The following FBXL17 variants were observed in gnomAD, a reference collection of about 807,000 sequenced individuals.
The protein encoded by FBXL17 is F-box and leucine rich repeat protein 17, also known as F-box/LRR-repeat protein 17.
FBXL17 carries 22 observed loss-of-function variants against 66.2 expected under a neutral mutation model. The ratio of observed to expected loss-of-function variants is 0.33; its 90% CI spans 0.24 to 0.47. The LOEUF (loss-of-function observed/expected upper bound fraction) is 0.47. FBXL17 is among the 20% of genes least tolerant of loss of function. The probability of loss-of-function intolerance (pLI) is 1.00; values close to 1 mark genes in which losing one functional copy is unlikely to be tolerated. For synonymous variants in FBXL17, 474 were observed against 400.5 expected, an observed-to-expected ratio of 1.18 and a Z score of -2.19; for missense variants, 878 against 948.2, an observed-to-expected ratio of 0.93 and a Z score of 0.97.
chr5:108,260,378 C>A (rs1756762790), intron 4 of FBXL17, among the ~76,000 whole-genome samples: 1 of 152,104 alleles, frequency 6.6e-6, no homozygotes, highest in African/African-American at 2.4e-5. Context: ...CTTCCCAATT[C>A]ACATTACCAC....
chr5:108,159,850 TAAATACTACATGAAGATATA>T (rs2150005438), intron 6 of FBXL17, among the ~76,000 whole-genome samples: 1 of 152,266 alleles, frequency 6.6e-6, no homozygotes, highest in East Asian at 1.9e-4. Context: ...CAAAATCCCC[TAAATACTACATGAAGATATA>T]AAAGCAGAAA....
intron 7 of FBXL17, among the ~76,000 whole-genome samples, chr5:107,938,264 A>G (rs185374734): frequency 1.6e-3 from 248 of 152,126 alleles, no homozygotes; most frequent in Non-Finnish European, 2.9e-3. Flanking sequence ...GTTCAAAATG[A>G]TACAGCCAAG....
intron 7 of FBXL17, among the ~76,000 whole-genome samples, chr5:107,887,845 T>C (rs1749026817): frequency 6.6e-6 from 1 of 152,158 alleles, no homozygotes; most frequent in Non-Finnish European, 1.5e-5. Flanking sequence ...GATCCTGATG[T>C]GCAGCTAGGG....
At chr5:108,167,730 C>T (rs1752463920) in intron 6 of FBXL17, among the ~76,000 whole-genome samples, 1 of 152,006 alleles carries the variant, frequency 6.6e-6, no homozygotes, top group African/African-American at 2.4e-5. Flanking sequence ...ATCAGTGACA[C>T]TGACAACAAT....
Position 108,339,615 on chromosome 5 carries a change from T to C in FBXL17, c.1506+8784A>G, listed in dbSNP as rs953111181. ...AAGGACTTAAACTACAGACTATGTA[T>C]GTGGGGAAAAAAGCACTAGCCAAGG... On this transcript the variant is annotated intron_variant, in intron 4 of 8. Transcript: ENST00000542267. 2.0e-5 allele frequency among the ~76,000 whole-genome samples: 3 copies of C among 150,996 alleles called. No homozygotes were observed. The South Asian group carries it at 6.3e-4, about 32-fold the overall frequency.
At chr5:108,204,251 ATGATCAT>A (rs1754019648) in intron 5 of FBXL17, among the ~76,000 whole-genome samples, 1 of 152,020 alleles carries the variant, frequency 6.6e-6, no homozygotes, top group Non-Finnish European at 1.5e-5. Flanking sequence ...TTGCAGTGGC[ATGATCAT>A]GGCTCACAGT....
intron 7 of FBXL17, among the ~76,000 whole-genome samples, chr5:107,935,591 C>A (rs1750879227): frequency 6.6e-6 from 1 of 152,036 alleles, no homozygotes. Context: ...ATTTTACATT[C>A]TTGTACTTTA....
intron 6 of FBXL17, among the ~76,000 whole-genome samples, chr5:108,037,614 C>T (rs1455003886): frequency 6.6e-6 from 1 of 152,100 alleles, no homozygotes; most frequent in Non-Finnish European, 1.5e-5. Flanking sequence ...GTGCTCTGGC[C>T]ACAGACTCAG....
chr5:108,204,671 T>C (rs1046633872), intron 5 of FBXL17, among the ~76,000 whole-genome samples: 1 of 152,162 alleles, frequency 6.6e-6, no homozygotes, highest in Non-Finnish European at 1.5e-5. Context: ...CTATTCAACA[T>C]ATAAAATAAT....
intron 7 of FBXL17, among the ~76,000 whole-genome samples, chr5:108,002,618 G>A (rs1003136498): frequency 6.6e-6 from 1 of 151,948 alleles, no homozygotes; most frequent in Non-Finnish European, 1.5e-5. Context: ...TGAAAAAGTA[G>A]AAATAACCCA....
intron 4 of FBXL17, among the ~76,000 whole-genome samples, chr5:108,280,718 T>C (rs371418788): frequency 4.7e-4 from 62 of 132,822 alleles, no homozygotes; most frequent in Middle Eastern, 3.8e-3. Context: ...AAGCTATACA[T>C]TGGCAGAATG....
chr5:108,329,661 T>A (rs1760024883), intron 4 of FBXL17, among the ~76,000 whole-genome samples: 1 of 152,156 alleles, frequency 6.6e-6, no homozygotes. Context: ...AACAAGTCAT[T>A]GTAATGAGTA....
chr5:108,321,543 G>A (rs1759618879), intron 4 of FBXL17, among the ~76,000 whole-genome samples: 1 of 151,832 alleles, frequency 6.6e-6, no homozygotes. Flanking sequence ...CTATTGTCCT[G>A]AACATGCTCC....
chr5:108,329,798 T>C (rs1362955811), intron 4 of FBXL17, among the ~76,000 whole-genome samples: 1 of 152,114 alleles, frequency 6.6e-6, no homozygotes, highest in East Asian at 1.9e-4. Context: ...CCCTTTCAAA[T>C]TCTTACTCTT....
At chr5:107,923,346 A>C (rs966033999) in intron 7 of FBXL17, among the ~76,000 whole-genome samples, 8 of 152,142 alleles carry the variant, frequency 5.3e-5, no homozygotes, top group African/African-American at 1.9e-4. Context: ...TGGCGTTTTC[A>C]TCCTTTCCCA....
At chr5:107,938,957 A>C (rs187127395) in intron 7 of FBXL17, among the ~76,000 whole-genome samples, 1 of 152,294 alleles carries the variant, frequency 6.6e-6, no homozygotes, top group African/African-American at 2.4e-5. Context: ...CTTCTTTTCT[A>C]AAATACAAAA....
intron 7 of FBXL17, among the ~76,000 whole-genome samples, chr5:107,887,656 T>A (rs1286907878): frequency 1.3e-5 from 2 of 152,182 alleles, no homozygotes; most frequent in African/African-American, 4.8e-5. Context: ...GAAATGACAC[T>A]TTCAGAATCA....
intron 7 of FBXL17, among the ~76,000 whole-genome samples, chr5:107,891,994 T>C (rs1406192114): frequency 6.6e-6 from 1 of 152,132 alleles, no homozygotes; most frequent in East Asian, 1.9e-4. Context: ...CATCGTAACT[T>C]AGCCTAGCCC....
chr5:108,365,074 C>T, intron 2 of FBXL17, 79 bp from the exon 3 acceptor site: 1 of 963,192 alleles, frequency 1.0e-6, no homozygotes. Context: ...AAATGTTCCA[C>T]AATAAACAAT....
Sources: allele counts gnomAD v4.1 joint callset (sites outside exome capture counted in the v4.1 genomes callset), GRCh38; gene constraint gnomAD v4.1.1; transcripts MANE v1.5; gene names NCBI Gene and HGNC (gene_info 2026-07-23, HGNC 2026-07-21).